The following DAB2 variants were observed in gnomAD, a reference collection of about 807,000 sequenced individuals.
DAB2 encodes disabled homolog 2.
A neutral mutation model predicts 71.6 loss-of-function variants in DAB2; 28 were observed. The ratio of observed to expected loss-of-function variants is 0.39; its 90% CI spans 0.29 to 0.54. DAB2 has a LOEUF of 0.54. DAB2 is among the 20% of genes least tolerant of loss of function. DAB2 has a pLI of 0.68. For synonymous variants in DAB2, 345 were observed against 339.7 expected (o/e 1.02, Z -0.17); for missense variants, 867 against 928.8 (o/e 0.93, Z 0.86).
chr5:39,372,072 A>T lies in DAB2; in HGVS notation c.*1359T>A, dbSNP rs1188522905. The T allele has an allele frequency of 6.6e-6, 1 of 152,210 alleles. No homozygotes were observed. The allele number at this position is 152,210 out of a possible 1,614,324, so 9.4% of individuals were successfully genotyped here. On this transcript the variant is annotated 3_prime_UTR_variant, in exon 15 of 15. Transcript: ENST00000320816. ...CATTGGATGTGGCTGATTAACTCCC[A>T]CAAGAACCTGAGCATTAAGGGTCAA...
chr5:39,395,660 T>A, intron 1 of DAB2, among the ~76,000 whole-genome samples: 1 of 152,214 alleles, frequency 6.6e-6, no homozygotes, highest in East Asian at 1.9e-4. Context: ...TCATGCAATC[T>A]ATGTATGAGT....
intron 14 of DAB2, among the ~76,000 whole-genome samples, chr5:39,374,426 T>A (rs1754769515): frequency 6.6e-6 from 1 of 152,186 alleles, no homozygotes; most frequent in African/African-American, 2.4e-5. Flanking sequence ...TAAGATAAAG[T>A]TCATGAGACA....
rs186203503 is a variant in DAB2 at position 39,381,948 on chromosome 5, C to A, written c.1342-332G>T. Among the ~76,000 whole-genome samples the A allele has an allele frequency of 3.3e-5, 5 of 152,304 alleles. No homozygotes were observed. In the East Asian group the frequency reaches 9.7e-4, roughly 29 times the overall value. On this transcript the variant is annotated intron_variant, in intron 10 of 14. Coordinates refer to ENST00000320816, the MANE Select transcript of DAB2 (RefSeq NM_001343.4). ...GGGAGCAAGTGTGTAAAAGGGGCAA[C>A]TACCAATAAGCATCCTAAATATTTT... is the stretch of plus-strand genomic sequence containing the variant.
At chr5:39,383,340 A>G (rs937755984) in intron 9 of DAB2, 69 bp from the exon 10 acceptor site, 33 of 1,196,212 alleles carry the variant, frequency 2.8e-5, no homozygotes, top group Non-Finnish European at 3.6e-5. Context: ...AGAAAATTAC[A>G]TAAGATGACT....
At chr5:39,376,273 C>T (rs1262246606) in intron 12 of DAB2, among the ~76,000 whole-genome samples, 167 bp from the exon 13 acceptor site, 3 of 152,098 alleles carry the variant, frequency 2.0e-5, no homozygotes, top group South Asian at 4.2e-4. Context: ...TTATCCTTCT[C>T]GGAAGAGAAA....
intron 1 of DAB2, among the ~76,000 whole-genome samples, chr5:39,407,444 T>C (rs1277577424): frequency 6.6e-6 from 1 of 152,212 alleles, no homozygotes; most frequent in Admixed American, 6.5e-5. Flanking sequence ...GGTCTCAAAC[T>C]CCTGCCTCAG....
At position 39,382,768 on chromosome 5, in the gene DAB2, A is replaced by G. The variant is rs1755009442; in HGVS notation, c.1191T>C (p.Pro397=). 6.2e-7 allele frequency: 1 copy of G among 1,614,114 alleles called. No homozygotes were observed. Among genetic ancestry groups the G allele is most frequent in the African/African-American group, 1.3e-5 (1 of 75,044 alleles). Residue 397 remains proline, a synonymous_variant, in exon 10 of 15, where the codon CCT becomes CCC. Transcript: ENST00000320816. ...NGFSVKSSPN[P]FVGSPPKGLS... The stretch of plus-strand genomic sequence containing the variant: ...GTCCTTTGGGAGGGCTTCCCACAAA[A>G]GGGTTCGGGGAGGATTTGACAGAGA...
At chr5:39,420,006 T>G (rs1324126159) in intron 1 of DAB2, among the ~76,000 whole-genome samples, 2 of 152,220 alleles carry the variant, frequency 1.3e-5, no homozygotes, top group African/African-American at 2.4e-5. Context: ...CACTGAATTA[T>G]GAAAGTTACT....
intron 4 of DAB2, among the ~76,000 whole-genome samples, chr5:39,391,293 G>T (rs1755221750): frequency 6.6e-6 from 1 of 152,036 alleles, no homozygotes; most frequent in South Asian, 2.1e-4. Flanking sequence ...AGGGATATTT[G>T]TAGGTGGCAG....
intron 1 of DAB2, among the ~76,000 whole-genome samples, chr5:39,420,519 A>C (rs1755955951): frequency 6.6e-6 from 1 of 152,114 alleles, no homozygotes; most frequent in African/African-American, 2.4e-5. Context: ...AGCCTGCCCC[A>C]TTCACTTAGA....
At chr5:39,387,817 A>T (rs561751735) in intron 9 of DAB2, 1 of 152,952 alleles carries the variant, frequency 6.5e-6, no homozygotes, top group African/African-American at 2.4e-5. Context: ...ATAAAATCCT[A>T]TGAGAATGGG....
At chr5:39,378,144 T>G (rs1054121908) in intron 11 of DAB2, among the ~76,000 whole-genome samples, 1 of 152,180 alleles carries the variant, frequency 6.6e-6, no homozygotes, top group South Asian at 2.1e-4. Flanking sequence ...TTGTGGTGAA[T>G]GGCTCCATCT....
At chr5:39,375,461 C>T (rs1470244971) in intron 13 of DAB2, among the ~76,000 whole-genome samples, 1 of 152,116 alleles carries the variant, frequency 6.6e-6, no homozygotes, top group Non-Finnish European at 1.5e-5. Flanking sequence ...AGGATGTTTT[C>T]TATGTGATAT....
intron 9 of DAB2, among the ~76,000 whole-genome samples, chr5:39,384,367 T>A (rs1365462479): frequency 6.6e-6 from 1 of 152,216 alleles, no homozygotes; most frequent in Non-Finnish European, 1.5e-5. Context: ...ATTATAACAA[T>A]ATGCTGTAAT....
intron 1 of DAB2, among the ~76,000 whole-genome samples, chr5:39,417,006 G>A (rs1175487632): frequency 6.6e-6 from 1 of 152,058 alleles, no homozygotes; most frequent in African/African-American, 2.4e-5. Flanking sequence ...ATAGAGCCAG[G>A]TTAAGTTATC....
In DAB2 at chr5:39,382,809, T is replaced by G. The variant is rs776403237; in HGVS notation, c.1150A>C (p.Arg384=). The G allele has an allele frequency of 6.2e-7, 1 of 1,614,184 alleles. No homozygotes were observed. Among genetic ancestry groups the G allele is most frequent in the Non-Finnish European group, 8.5e-7 (1 of 1,180,032 alleles). ...AVRTQNGVSE[R]EQNGFSVKSS... ...TTGACAGAGAAGCCGTTCTGTTCTC[T>G]TTCAGATACCCCATTTTGAGTTCTC... The change falls in exon 10 of 15, where the codon AGA becomes CGA. Residue 384 remains arginine, a synonymous_variant. Transcript: ENST00000320816.
Position 39,383,104 on chromosome 5 carries a change from G to A in DAB2, c.855C>T (p.Asn285=). ...LPENAFSANL[N]FFPTPNPDPF... is the part of the protein sequence containing the mutation. ...GATCAGGATTAGGGGTGGGAAAGAA[G>A]TTGAGATTGGCAGAAAAGGCATTTT... Residue 285 remains asparagine (N), a synonymous_variant, in exon 10 of 15, where the codon AAC becomes AAT. Transcript: ENST00000320816. The A allele has an allele frequency of 6.2e-7, 1 of 1,614,158 alleles. No homozygotes were observed. Among genetic ancestry groups the A allele is most frequent in the Non-Finnish European group, 8.5e-7 (1 of 1,180,014 alleles).
chr5:39,406,239 C>T (rs1579921604), intron 1 of DAB2, among the ~76,000 whole-genome samples: 1 of 152,040 alleles, frequency 6.6e-6, no homozygotes. Flanking sequence ...CTGACCCAGC[C>T]AAGCAGACTC....
chr5:39,423,126 A>G (rs1211931684), intron 1 of DAB2, among the ~76,000 whole-genome samples: 2 of 152,220 alleles, frequency 1.3e-5, no homozygotes, highest in East Asian at 1.9e-4. Flanking sequence ...ACTGGTTTCT[A>G]GGTCAGTCAT....
Sources: gnomAD v4.1 joint callset for allele counts (sites outside exome capture counted in the v4.1 genomes callset) on GRCh38, gnomAD v4.1.1 for gene constraint, MANE v1.5 for transcripts, NCBI Gene and HGNC (gene_info 2026-07-23, HGNC 2026-07-21) for gene names.